The following RBM12B variants were observed in gnomAD, a reference collection of about 807,000 sequenced individuals.
RBM12B encodes the protein RNA binding motif protein 12B, also known as RNA-binding protein 12B.
Under a neutral mutation model 34.3 loss-of-function variants are expected in RBM12B, and 10 were observed. The observed-to-expected ratio is 0.29, with a 90% CI of 0.18 to 0.49. The LOEUF (loss-of-function observed/expected upper bound fraction) is 0.49, where lower values mean the gene tolerates loss of function less well. RBM12B is among the 20% of genes least tolerant of loss of function. The pLI is 0.99. For synonymous variants in RBM12B, 477 were observed against 437.1 expected, an observed-to-expected ratio of 1.09 and a Z score of -1.14; for missense variants, 1,139 against 1,262.7, an observed-to-expected ratio of 0.90 and a Z score of 1.48.
chr8:93,740,893 G>GA lies in RBM12B; in HGVS notation c.-159_-158insT. On this transcript the variant is annotated 5_prime_UTR_variant, in exon 1 of 4. Coordinates refer to ENST00000520560, the MANE Select transcript of RBM12B (RefSeq NM_001377960.1). ...AATAAACACACACCACTGCTGCCGA[G>GA]TCGGACACACAAGGCCGGAGGCTGA... The GA allele has an allele frequency of 3.8e-6, 1 of 264,288 alleles. No homozygotes were observed. Among genetic ancestry groups the GA allele is most frequent in the Non-Finnish European group, 7.5e-6 (1 of 132,800 alleles). 16.4% of individuals were successfully genotyped at this position (264,288 alleles called of 1,614,324 possible).
rs16916186 is a variant in RBM12B, at chr8:93,733,158, G to C, written c.*247C>G. The C allele has an allele frequency of 3.8e-6, 1 of 265,418 alleles. No individual in the cohort carries two copies. The highest frequency in any genetic ancestry group is 7.0e-5 in the East Asian group (1 of 14,364). The allele number at this position is 265,418 out of a possible 1,614,324, so 16.4% of individuals were successfully genotyped here. A position where few individuals can be genotyped will look rare whatever the true frequency, so the allele number is the denominator to read the frequency against. On this transcript the variant is annotated 3_prime_UTR_variant, in exon 4 of 4. Transcript: ENST00000520560. ...ACAAAAATGAATGAACTCAGGGAAT[G>C]AGTTCTTTCTCCCCATCAAAGAAAA...
At position 93,732,822 on chromosome 8, in the gene RBM12B, T is replaced by G. The variant is rs11549490; in HGVS notation, c.*583A>C. The G allele has an allele frequency of 6.6e-6, 1 of 152,026 alleles. No homozygotes were observed. Among genetic ancestry groups the G allele is most frequent in the Non-Finnish European group, 1.5e-5 (1 of 67,984 alleles). 9.4% of individuals were successfully genotyped at this position (152,026 alleles called of 1,614,324 possible). On this transcript the variant is annotated 3_prime_UTR_variant, in exon 4 of 4. Transcript: ENST00000520560. ...ATTTTTATAAAGCTTTGTAAAGTTA[T>G]GAACATGGAAACCCTAAGAATCACC...
chr8:93,733,283 T>G lies in RBM12B; in HGVS notation c.*122A>C. 1 of 703,892 alleles carries G rather than the reference T, an allele frequency of 1.4e-6. No homozygotes were observed. The highest frequency in any genetic ancestry group is 2.1e-6 in the Non-Finnish European group (1 of 477,688). 43.6% of individuals were successfully genotyped at this position (703,892 alleles called of 1,614,324 possible). A position where few individuals can be genotyped will look rare whatever the true frequency, so the allele number is the denominator to read the frequency against. On this transcript the variant is annotated 3_prime_UTR_variant, in exon 4 of 4. Coordinates refer to ENST00000520560, the MANE Select transcript of RBM12B (RefSeq NM_001377960.1). ...ATTCTACTATTTACATTTGTTCTAT[T>G]CACAGGTCAAAAATAAAATATTTCA...
chr8:93,736,621 A>G (rs1812029958), intron 3 of RBM12B, among the ~76,000 whole-genome samples, 183 bp from the exon 4 acceptor site: 2 of 152,248 alleles, frequency 1.3e-5, no homozygotes, highest in South Asian at 2.1e-4. Flanking sequence ...ACTTTCTCCC[A>G]TCTAAAAATA....
Position 93,734,107 on chromosome 8 carries a change from T to C in RBM12B, c.2304A>G (p.Pro768=), listed in dbSNP as rs199643296. 267 of 1,556,936 alleles carry C rather than the reference T, an allele frequency of 1.7e-4. No individual in the cohort carries two copies. Among genetic ancestry groups the C allele is most frequent in the Middle Eastern group, 2.1e-4 (1 of 4,698 alleles). Residue 768 remains proline, a synonymous_variant, in exon 4 of 4, where the codon CCA becomes CCG. Coordinates refer to ENST00000520560, the MANE Select transcript of RBM12B (RefSeq NM_001377960.1). ...CCGGGGGCGGGCGCCTGAAATGCTC[T>C]GGGGGTGGCCGCCTGAAGTGCTCTG... ...PPPEHFRRPP[P]EHFRRPPPEH... is the part of the protein sequence containing the mutation.
chr8:93,735,892 G>A lies in RBM12B; in HGVS notation c.519C>T (p.Val173=). The part of the protein sequence containing the change: ...PYLVNEDDVR[V]FFSGLCVDGV... The stretch of plus-strand genomic sequence containing the variant: ...CATCCACGCACAAACCAGAGAAAAA[G>A]ACACGTACATCATCTTCATTTACTA... The change falls in exon 4 of 4, where the codon GTC becomes GTT. Residue 173 remains valine, a synonymous_variant. Coordinates refer to ENST00000520560, the MANE Select transcript of RBM12B (RefSeq NM_001377960.1). 3 of 1,614,056 alleles carry A rather than the reference G, an allele frequency of 1.9e-6. No homozygotes were observed. The highest frequency in any genetic ancestry group is 2.2e-5 in the South Asian group (2 of 91,072).
Position 93,730,365 on chromosome 8 carries a change from G to A in RBM12B, c.*3040C>T, listed in dbSNP as rs1189611497. The A allele has an allele frequency of 6.6e-6, 1 of 152,096 alleles. No individual in the cohort carries two copies. The highest frequency in any genetic ancestry group is 1.5e-5 in the Non-Finnish European group (1 of 68,028). 9.4% of individuals were successfully genotyped at this position (152,096 alleles called of 1,614,324 possible). ...TGATTTTTACCTATCTCTTGGTTGT[G>A]GGATTGACTTTCTAGACATGATCTA... is the stretch of plus-strand genomic sequence containing the variant. On this transcript the variant is annotated 3_prime_UTR_variant, in exon 4 of 4. Transcript: ENST00000520560.
rs759865369 is a variant in RBM12B, at chr8:93,732,487, C to A, written c.*918G>T. 1.1e-4 allele frequency: 17 copies of A among 152,196 alleles called. No individual in the cohort carries two copies. The highest frequency in any genetic ancestry group is 4.6e-4 in the Admixed American group (7 of 15,274). 9.4% of individuals were successfully genotyped at this position (152,196 alleles called of 1,614,324 possible). ...AAGTTATGTGACTCATCAGTAAATT[C>A]TTCCTAGAAAAACAAACTATACCAC... On this transcript the variant is annotated 3_prime_UTR_variant, in exon 4 of 4. Transcript: ENST00000520560.
chr8:93,740,204 A>C (rs908416023), intron 2 of RBM12B: 1 of 423,272 alleles, frequency 2.4e-6, no homozygotes, highest in African/African-American at 2.1e-5. Context: ...AGGAATGACC[A>C]ATGAGAGCCA....
In RBM12B at chr8:93,732,363, CAAAG is replaced by C. The variant is rs1479272699; in HGVS notation, c.*1038_*1041del. ...AATGTATGCACTAAATGCTGAATAT[CAAAG>C]AAGTCAAAATTCAACCACACAAGTC... On this transcript the variant is annotated 3_prime_UTR_variant, in exon 4 of 4. Transcript: ENST00000520560. 1.3e-5 allele frequency: 2 copies of C among 152,264 alleles called. No individual in the cohort carries two copies. Among genetic ancestry groups the C allele is most frequent in the Admixed American group, 6.5e-5 (1 of 15,298 alleles). The allele number at this position is 152,264 out of a possible 1,614,324, so 9.4% of individuals were successfully genotyped here.
chr8:93,734,732 T>C lies in RBM12B; in HGVS notation c.1679A>G (p.His560Arg). 1 of 1,613,828 alleles carries C rather than the reference T, an allele frequency of 6.2e-7. No homozygotes were observed. Among genetic ancestry groups the C allele is most frequent in the Non-Finnish European group, 8.5e-7 (1 of 1,179,886 alleles). The change falls in exon 4 of 4, where the codon CAC becomes CGC. Residue 560 changes from histidine to arginine, a missense_variant. Transcript: ENST00000520560. ...GGGGAACCTAAAGTCCTCTGAGGAG[T>C]GTCGGAAGTCTTCTGGAGGGTGCCT... is the stretch of plus-strand genomic sequence containing the variant. ...PDRHPPEDFR[H>R]SSEDFRFPPE...
In RBM12B at chr8:93,736,386, C is replaced by T. The variant is rs1812024182; in HGVS notation, c.25G>A (p.Gly9Arg). Residue 9 changes from glycine to arginine, a missense_variant, in exon 4 of 4, where the codon GGG (glycine) becomes AGG (arginine). Gly to Arg is a moderately radical substitution (Grantham distance 125, BLOSUM62 -2). Transcript: ENST00000520560. ...ACAGGCCCCGCAATAAAAGGAAGCC[C>T]CAGTAAACGGATGACTACAGCCATG... MAVVIRLL[G>R]LPFIAGPVDI... The T allele has an allele frequency of 6.3e-7, 1 of 1,596,844 alleles. No homozygotes were observed. Among genetic ancestry groups the T allele is most frequent in the Admixed American group, 1.8e-5 (1 of 56,596 alleles).
chr8:93,737,704 G>T (rs985177902), intron 2 of RBM12B, among the ~76,000 whole-genome samples: 2 of 149,228 alleles, frequency 1.3e-5, no homozygotes, highest in East Asian at 4.0e-4. Flanking sequence ...ATTTATCAAG[G>T]TTTACTGAAT....
intron 2 of RBM12B, chr8:93,740,133 C>A: frequency 2.7e-6 from 1 of 365,260 alleles, no homozygotes; most frequent in Non-Finnish European, 5.4e-6. Flanking sequence ...CTACACCAAC[C>A]CATAATTATT....
Position 93,740,925 on chromosome 8 carries a change from T to G in RBM12B, c.-190A>C, listed in dbSNP as rs1812191139. 1 of 230,010 alleles carries G rather than the reference T, an allele frequency of 4.3e-6. No homozygotes were observed. The highest frequency in any genetic ancestry group is 8.9e-6 in the Non-Finnish European group (1 of 112,860). 14.2% of individuals were successfully genotyped at this position (230,010 alleles called of 1,614,324 possible). On this transcript the variant is annotated 5_prime_UTR_variant, in exon 1 of 4. Transcript: ENST00000520560. ...ACACAAGGCCGGAGGCTGAGGGAAC[T>G]CTTCGTCGCAGCAGCCTCCCCAAAA...
Position 93,728,763 on chromosome 8 carries a change from CATTTG to C in RBM12B, c.*4637_*4641del, listed in dbSNP as rs1380619654. 1 of 151,966 alleles carries C rather than the reference CATTTG, an allele frequency of 6.6e-6. No individual in the cohort carries two copies. 9.4% of individuals were successfully genotyped at this position (151,966 alleles called of 1,614,324 possible). The stretch of plus-strand genomic sequence containing the variant: ...TTTTTAACTTTCCCTGAAACTTTAT[CATTTG>C]ATAAGTAAATTTACTTTTCAAGAAG... On this transcript the variant is annotated 3_prime_UTR_variant, in exon 4 of 4. Coordinates refer to ENST00000520560, the MANE Select transcript of RBM12B (RefSeq NM_001377960.1).
intron 2 of RBM12B, among the ~76,000 whole-genome samples, chr8:93,738,100 T>C (rs1812077095): frequency 1.3e-5 from 2 of 152,210 alleles, no homozygotes; most frequent in African/African-American, 4.8e-5. Context: ...CCAAATTTCA[T>C]GAAGCCAGTA....
intron 2 of RBM12B, among the ~76,000 whole-genome samples, chr8:93,738,531 G>C (rs912878937): frequency 6.6e-6 from 1 of 152,112 alleles, no homozygotes. Context: ...GTGCGATCTT[G>C]GCTCACTACA....
rs1009071720 is a variant in RBM12B, at chr8:93,729,093, C to T, written c.*4312G>A. The T allele has an allele frequency of 6.6e-6, 1 of 152,062 alleles. No homozygotes were observed. The highest frequency in any genetic ancestry group is 2.4e-5 in the African/African-American group (1 of 41,430). The allele number at this position is 152,062 out of a possible 1,614,324, so 9.4% of individuals were successfully genotyped here. On this transcript the variant is annotated 3_prime_UTR_variant, in exon 4 of 4. Coordinates refer to ENST00000520560, the MANE Select transcript of RBM12B (RefSeq NM_001377960.1). ...TTTCTGAAAATATAAAACATTGAGCCTTTCAGTGTATCTGATGCTTCTCTT... is the reference window on the plus strand; with the variant it reads ...TTTCTGAAAATATAAAACATTGAGCTTTTCAGTGTATCTGATGCTTCTCTT...
Sources: allele counts gnomAD v4.1 joint callset (sites outside exome capture counted in the v4.1 genomes callset), GRCh38; gene constraint gnomAD v4.1.1; transcripts MANE v1.5; gene names NCBI Gene and HGNC (gene_info 2026-07-23, HGNC 2026-07-21).